The following COIL variants were observed in gnomAD, a reference collection of about 807,000 sequenced individuals.
The protein encoded by COIL is coilin.
Under a neutral mutation model 51.6 loss-of-function variants are expected in COIL, and 28 were observed. That is an observed-to-expected ratio of 0.54 (90% CI 0.40 to 0.74). COIL has a LOEUF of 0.74. Ranked by LOEUF, COIL falls within the 30% of genes least tolerant of loss-of-function variation. The pLI is 0.00. For synonymous variants in COIL, 233 were observed against 255.8 expected (o/e 0.91, Z 0.85); for missense variants, 667 against 685.9 (o/e 0.97, Z 0.31).
At chr17:56,943,102 G>C (rs1324630272) in intron 5 of COIL, among the ~76,000 whole-genome samples, 1 of 151,922 alleles carries the variant, frequency 6.6e-6, no homozygotes, top group Non-Finnish European at 1.5e-5. Context: ...AACTTATCAG[G>C]GGGAGTTTGA....
At chr17:56,952,059 T>C (rs1047957751) in intron 1 of COIL, 1 of 287,182 alleles carries the variant, frequency 3.5e-6, no homozygotes, top group African/African-American at 2.3e-5. Context: ...TCTGCCTACC[T>C]TGGCCTCTCA....
chr17:56,946,777 T>C (rs904579066), intron 4 of COIL, among the ~76,000 whole-genome samples: 4 of 152,136 alleles, frequency 2.6e-5, no homozygotes, highest in Admixed American at 6.5e-5. Context: ...CTATCTTAAA[T>C]AACTCGATGA....
intron 5 of COIL, among the ~76,000 whole-genome samples, chr17:56,944,934 G>A (rs1598093352): frequency 1.3e-5 from 2 of 152,096 alleles, no homozygotes; most frequent in Admixed American, 6.5e-5. Context: ...GGAGGATGGT[G>A]CGAACCTGGG....
intron 3 of COIL, 110 bp from the exon 4 acceptor site, chr17:56,949,544 C>T: frequency 7.1e-7 from 1 of 1,398,622 alleles, no homozygotes; most frequent in South Asian, 1.2e-5. Flanking sequence ...AGTCTGGGAG[C>T]CCTACCAGGA....
intron 5 of COIL, among the ~76,000 whole-genome samples, chr17:56,944,033 GTTTT>G (rs1260709989): frequency 6.7e-6 from 1 of 150,010 alleles, no homozygotes. Flanking sequence ...ACTCAGCTAT[GTTTT>G]GTTTTTTTTT....
chr17:56,946,894 A>T (rs534595936), intron 4 of COIL, among the ~76,000 whole-genome samples: 1 of 152,226 alleles, frequency 6.6e-6, no homozygotes, highest in Non-Finnish European at 1.5e-5. Flanking sequence ...CACAGCATTC[A>T]TCAGGAGAGA....
In COIL at chr17:56,951,042, C is replaced by T. The variant is rs771829846; in HGVS notation, c.246-46G>A. ...AAAGCTAGAGTGAGCAATTTATAAACACATCTCCAGGACATAGTTATATAC... is the reference window on the plus strand; with the variant it reads ...AAAGCTAGAGTGAGCAATTTATAAATACATCTCCAGGACATAGTTATATAC... On this transcript the variant is annotated intron_variant, in intron 1 of 6. Transcript: ENST00000240316. 8 of 1,519,674 alleles carry T rather than the reference C, an allele frequency of 5.3e-6. No individual in the cohort carries two copies. The East Asian group carries it at 1.6e-4, about 30-fold the overall frequency. The allele number at this position is 1,519,674 out of a possible 1,614,324, so 94.1% of individuals were successfully genotyped here.
chr17:56,954,584 T>C (rs1910449520), intron 1 of COIL, among the ~76,000 whole-genome samples: 1 of 151,514 alleles, frequency 6.6e-6, no homozygotes, highest in Non-Finnish European at 1.5e-5. Flanking sequence ...AAAAAGACCA[T>C]GCATCTACAG....
intron 2 of COIL, 39 bp from the exon 3 acceptor site, chr17:56,949,806 G>A (rs1449699016): frequency 4.2e-5 from 67 of 1,610,882 alleles, no homozygotes; most frequent in Non-Finnish European, 5.7e-5. Flanking sequence ...CATCACTGGT[G>A]AGAAAATGTG....
chr17:56,958,424 G>T (rs1045569384), intron 1 of COIL, among the ~76,000 whole-genome samples: 1 of 152,190 alleles, frequency 6.6e-6, no homozygotes, highest in African/African-American at 2.4e-5. Flanking sequence ...AAACAAAGAC[G>T]AACTTTCCAG....
chr17:56,950,485 A>G lies in COIL; in HGVS notation c.757T>C (p.Cys253Arg). ...GGACCATCACTGATAGATTCATCAC[A>G]AGATTCAGACTCCGAGGAGGAACTG... ...SPSSSSESES[C>R]DESISDGPSK... Residue 253 changes from cysteine to arginine, a missense_variant, in exon 2 of 7, where the codon TGT (cysteine) becomes CGT (arginine). By Grantham distance (180) the Cys-to-Arg change is radical (BLOSUM62 -3). Coordinates refer to ENST00000240316, the MANE Select transcript of COIL (RefSeq NM_004645.3). 2 of 1,614,234 alleles carry G rather than the reference A, an allele frequency of 1.2e-6. No homozygotes were observed. Among genetic ancestry groups the G allele is most frequent in the Non-Finnish European group, 1.7e-6 (2 of 1,180,048 alleles).
intron 1 of COIL, chr17:56,952,101 A>T (rs1340872613): frequency 2.5e-6 from 1 of 403,740 alleles, no homozygotes; most frequent in Non-Finnish European, 4.8e-6. Context: ...GAGCCATCGC[A>T]CCCAGCCCCA....
chr17:56,946,027 T>A (rs1385460679), intron 5 of COIL, among the ~76,000 whole-genome samples: 1 of 152,214 alleles, frequency 6.6e-6, no homozygotes, highest in Non-Finnish European at 1.5e-5. Context: ...GGGTTTTTCT[T>A]AAATAAGGCA....
Position 56,949,774 on chromosome 17 carries a change from A to T in COIL, c.1354-7T>A. On this transcript the variant is annotated splice_region_variant and splice_polypyrimidine_tract_variant and intron_variant, in intron 2 of 6. Coordinates refer to ENST00000240316, the MANE Select transcript of COIL (RefSeq NM_004645.3). ...TGGGTGTCTCTACTGGATTCTGAAA[A>T]ACAGTGTTAGTCATGTGACATCATC... 1 of 1,613,712 alleles carries T rather than the reference A, an allele frequency of 6.2e-7. No individual in the cohort carries two copies. The highest frequency in any genetic ancestry group is 8.5e-7 in the Non-Finnish European group (1 of 1,179,614).
At chr17:56,957,391 G>C (rs1159655655) in intron 1 of COIL, among the ~76,000 whole-genome samples, 1 of 152,056 alleles carries the variant, frequency 6.6e-6, no homozygotes, top group Non-Finnish European at 1.5e-5. Flanking sequence ...AAGCTGAGGA[G>C]GGCAAATCAC....
At chr17:56,944,532 C>T (rs969695970) in intron 5 of COIL, among the ~76,000 whole-genome samples, 2 of 151,454 alleles carry the variant, frequency 1.3e-5, no homozygotes, top group African/African-American at 4.9e-5. Context: ...GCGGAGCTTG[C>T]ACTGAGCCGA....
chr17:56,953,703 T>A (rs1180739167), intron 1 of COIL, among the ~76,000 whole-genome samples: 2 of 152,174 alleles, frequency 1.3e-5, no homozygotes, highest in African/African-American at 2.4e-5. Context: ...TTAAATTTTT[T>A]AAGGCATAGT....
chr17:56,942,800 G>A (rs1910173335), intron 5 of COIL, among the ~76,000 whole-genome samples: 1 of 152,222 alleles, frequency 6.6e-6, no homozygotes, highest in African/African-American at 2.4e-5. Context: ...ACAGGCGTGA[G>A]CCACCACACC....
chr17:56,959,393 C>A (rs1910540908), intron 1 of COIL, among the ~76,000 whole-genome samples: 1 of 152,112 alleles, frequency 6.6e-6, no homozygotes, highest in Non-Finnish European at 1.5e-5. Context: ...AGATATGAAT[C>A]CAAACTGGAA....
Sources: gnomAD v4.1 joint callset for allele counts (sites outside exome capture counted in the v4.1 genomes callset) on GRCh38, gnomAD v4.1.1 for gene constraint, MANE v1.5 for transcripts, NCBI Gene and HGNC (gene_info 2026-07-23, HGNC 2026-07-21) for gene names.